PSMG2: variants seen among roughly 807,000 people sequenced by gnomAD.
The protein encoded by PSMG2 is proteasome assembly chaperone 2, also known as CD40 ligand-activated specific transcript 3.
PSMG2 carries 21 observed loss-of-function variants against 31.5 expected under a neutral mutation model. The ratio of observed to expected loss-of-function variants is 0.67; its 90% CI spans 0.47 to 0.96. The LOEUF is 0.96. PSMG2 is among the 40% of genes least tolerant of loss of function. The pLI is 0.00. For missense variants in PSMG2, 318 were observed against 321.2 expected, an observed-to-expected ratio of 0.99 and a Z score of 0.08; for synonymous variants, 120 against 110.4, an observed-to-expected ratio of 1.09 and a Z score of -0.54.
chr18:12,724,901 T>C (rs956864281), intron 6 of PSMG2: 7 of 395,924 alleles, frequency 1.8e-5, no homozygotes, highest in African/African-American at 1.4e-4. Flanking sequence ...GACATAGTCT[T>C]GCAATAATAA....
At chr18:12,705,534 G>A (rs983544522) in intron 1 of PSMG2, among the ~76,000 whole-genome samples, 1 of 147,300 alleles carries the variant, frequency 6.8e-6, no homozygotes, top group Non-Finnish European at 1.5e-5. Context: ...ATTATTTTAA[G>A]TCATGGGAAA....
At chr18:12,716,444 A>T in intron 3 of PSMG2, among the ~76,000 whole-genome samples, 1 of 139,422 alleles carries the variant, frequency 7.2e-6, no homozygotes, top group Non-Finnish European at 1.5e-5. Context: ...CGCAGGCTGG[A>T]CCGCAGTGGC....
upstream of PSMG2, among the ~76,000 whole-genome samples, chr18:12,702,217 G>A (rs919834640): frequency 2.0e-5 from 3 of 152,196 alleles, no homozygotes; most frequent in Non-Finnish European, 4.4e-5. Flanking sequence ...CTCGCTAAGC[G>A]CTTCATTCTC....
intron 1 of PSMG2, among the ~76,000 whole-genome samples, chr18:12,681,745 G>GGGGA (rs1363025159): frequency 2.6e-5 from 4 of 152,098 alleles, no homozygotes; most frequent in Admixed American, 6.6e-5. Flanking sequence ...GGTTATTACT[G>GGGGA]GGGAGGTTAT....
At chr18:12,668,651 T>C (rs2038858892) in intron 1 of PSMG2, among the ~76,000 whole-genome samples, 1 of 119,856 alleles carries the variant, frequency 8.3e-6, no homozygotes, top group South Asian at 3.4e-4. Flanking sequence ...CTTAATCCAA[T>C]CAAAAAGCTG....
At chr18:12,702,845 AC>A (rs1355113835), upstream of PSMG2, 1 of 560,270 alleles carries the variant, frequency 1.8e-6, no homozygotes. Context: ...CGGGCCCCGC[AC>A]CCCGAGACCT....
intron 1 of PSMG2, chr18:12,661,488 G>A (rs766639362): frequency 1.9e-5 from 7 of 373,146 alleles, no homozygotes; most frequent in Non-Finnish European, 2.6e-5. Context: ...TCAAAGATTT[G>A]AGGCCAGGCG....
chr18:12,714,318 G>A (rs889618726), intron 3 of PSMG2, among the ~76,000 whole-genome samples: 3 of 152,158 alleles, frequency 2.0e-5, no homozygotes, highest in African/African-American at 7.2e-5. Flanking sequence ...CTAACCTGCA[G>A]CCACACTGGC....
chr18:12,692,712 C>T (rs1247665590), intron 1 of PSMG2, among the ~76,000 whole-genome samples: 1 of 152,192 alleles, frequency 6.6e-6, no homozygotes, highest in Non-Finnish European at 1.5e-5. Flanking sequence ...ATCTAAACTC[C>T]TTGAGAGCAA....
intron 1 of PSMG2, among the ~76,000 whole-genome samples, 174 bp downstream of exon 1, chr18:12,703,338 C>G (rs551874536): frequency 6.6e-6 from 1 of 152,248 alleles, no homozygotes; most frequent in Non-Finnish European, 1.5e-5. Context: ...CCAAACAGAA[C>G]CTTTGTCGGC....
chr18:12,673,589 AT>A, intron 1 of PSMG2: 1 of 1,187,116 alleles, frequency 8.4e-7, no homozygotes, highest in East Asian at 2.8e-5. Context: ...ATTTAAAATA[AT>A]TTTTTCAGGC....
upstream of PSMG2, chr18:12,699,737 A>G: frequency 1.4e-6 from 1 of 709,344 alleles, no homozygotes; most frequent in Non-Finnish European, 2.2e-6. Context: ...TTTGGGGGGA[A>G]AAAATGGAAA....
At chr18:12,693,461 C>T (rs185048060) in intron 1 of PSMG2, among the ~76,000 whole-genome samples, 4 of 151,914 alleles carry the variant, frequency 2.6e-5, no homozygotes, top group African/African-American at 9.7e-5. Context: ...GCTACTACCC[C>T]AAAAAAGTAG....
chr18:12,698,310 G>GC (rs1198539221), upstream of PSMG2, among the ~76,000 whole-genome samples: 1 of 151,628 alleles, frequency 6.6e-6, no homozygotes, highest in Non-Finnish European at 1.5e-5. Context: ...CTCATTACAC[G>GC]CGCCTGCCAC....
chr18:12,672,881 T>C, intron 1 of PSMG2: 1 of 985,458 alleles, frequency 1.0e-6, no homozygotes, highest in Non-Finnish European at 1.2e-6. Context: ...ACCACAAAAG[T>C]GGTAATTCAT....
intron 5 of PSMG2, 83 bp downstream of exon 5, chr18:12,720,766 C>T (rs1438413901): frequency 1.5e-6 from 2 of 1,355,740 alleles, no homozygotes; most frequent in African/African-American, 1.5e-5. Context: ...TGCCACTGCA[C>T]TCTAGCCTGG....
chr18:12,701,071 T>G, upstream of PSMG2: 1 of 1,613,682 alleles, frequency 6.2e-7, no homozygotes, highest in South Asian at 1.1e-5. Flanking sequence ...TCTTCCCGTA[T>G]AGTCTCAGCA....
intron 1 of PSMG2, among the ~76,000 whole-genome samples, chr18:12,688,659 A>C (rs907619435): frequency 6.6e-6 from 1 of 152,224 alleles, no homozygotes; most frequent in Non-Finnish European, 1.5e-5. Context: ...CTGAATGGGC[A>C]CTGTCCAGTG....
At chr18:12,701,844 A>AT (rs1568036362), upstream of PSMG2, among the ~76,000 whole-genome samples, 1 of 152,222 alleles carries the variant, frequency 6.6e-6, no homozygotes, top group East Asian at 1.9e-4. Context: ...AGAAACCCTG[A>AT]TATCTGCCGG....
Sources: gnomAD v4.1 joint callset for allele counts (sites outside exome capture counted in the v4.1 genomes callset) on GRCh38, gnomAD v4.1.1 for gene constraint, MANE v1.5 for transcripts, NCBI Gene and HGNC (gene_info 2026-07-23, HGNC 2026-07-21) for gene names.